Variants in LRRN3 observed in about 807,000 individuals in gnomAD.
LRRN3 encodes the protein leucine rich repeat neuronal 3.
Under a neutral mutation model 40.1 loss-of-function variants are expected in LRRN3, and 15 were observed. The ratio of observed to expected loss-of-function variants is 0.37; its 90% CI spans 0.25 to 0.58. The LOEUF is 0.58. Among genes scored for constraint, LRRN3 ranks in the 20% least tolerant of loss-of-function variants. The pLI is 0.72. For synonymous variants in LRRN3, 308 were observed against 297.2 expected, an observed-to-expected ratio of 1.04 and a Z score of -0.37; for missense variants, 746 against 837.7, an observed-to-expected ratio of 0.89 and a Z score of 1.35.
At chr7:111,095,579 T>C (rs191513159) in intron 1 of LRRN3, among the ~76,000 whole-genome samples, 1 of 152,052 alleles carries the variant, frequency 6.6e-6, no homozygotes, top group African/African-American at 2.4e-5. Context: ...CATTTGAATA[T>C]AGTTTACCAT....
intron 2 of LRRN3, among the ~76,000 whole-genome samples, chr7:111,118,755 G>C (rs1481274567): frequency 6.6e-6 from 1 of 151,930 alleles, no homozygotes; most frequent in Non-Finnish European, 1.5e-5. Flanking sequence ...ACAGACTTAA[G>C]AAAAAGTCAA....
intron 2 of LRRN3, among the ~76,000 whole-genome samples, chr7:111,113,129 A>T (rs1340397608): frequency 6.6e-6 from 1 of 152,162 alleles, no homozygotes; most frequent in Non-Finnish European, 1.5e-5. Context: ...ATATAATTTT[A>T]AGATTTCTGT....
chr7:111,100,440 A>G (rs1797851834), intron 2 of LRRN3, among the ~76,000 whole-genome samples: 1 of 148,008 alleles, frequency 6.8e-6, no homozygotes, highest in Non-Finnish European at 1.5e-5. Flanking sequence ...ATGTAATGAA[A>G]ATATATATTA....
At chr7:111,101,571 G>A (rs1332449276) in intron 2 of LRRN3, among the ~76,000 whole-genome samples, 2 of 151,142 alleles carry the variant, frequency 1.3e-5, no homozygotes, top group East Asian at 3.9e-4. Flanking sequence ...TGAGACAATC[G>A]TTCGAATTAA....
intron 1 of LRRN3, among the ~76,000 whole-genome samples, chr7:111,095,714 A>C (rs1171926600): frequency 6.6e-6 from 1 of 152,064 alleles, no homozygotes; most frequent in East Asian, 1.9e-4. Context: ...AAGGTTTTCC[A>C]AGAATTCTGA....
In LRRN3 at chr7:111,123,381, C is replaced by A. The variant is rs1333071810; in HGVS notation, c.609C>A (p.Ile203=). The A allele has an allele frequency of 1.2e-6, 2 of 1,613,802 alleles. No individual in the cohort carries two copies. The highest frequency in any genetic ancestry group is 2.2e-5 in the East Asian group (1 of 44,844). The change falls in exon 3 of 3, where the codon ATC becomes ATA. Residue 203 remains isoleucine (I), a synonymous_variant. Transcript: ENST00000308478. This position sits in a 1 kb window ranked among gnomAD's most constrained non-coding sequence, Gnocchi z 6.4. ...LMIGENPIIR[I]KDMNFKPLIN... ...TTGGGGAAAATCCAATTATCAGAAT[C>A]AAAGACATGAACTTTAAGCCTCTTA... is the stretch of plus-strand genomic sequence containing the variant.
At chr7:111,113,661 C>T (rs1293374019) in intron 2 of LRRN3, among the ~76,000 whole-genome samples, 3 of 151,502 alleles carry the variant, frequency 2.0e-5, no homozygotes, top group Non-Finnish European at 4.4e-5. Context: ...TGGATAATTA[C>T]CCCAAATGTT....
chr7:111,111,465 C>T (rs1483058423), intron 2 of LRRN3, among the ~76,000 whole-genome samples: 2 of 150,826 alleles, frequency 1.3e-5, no homozygotes, highest in Non-Finnish European at 3.0e-5. Context: ...TTTTAGCCCT[C>T]TCTATTCAAC....
intron 2 of LRRN3, among the ~76,000 whole-genome samples, chr7:111,111,921 T>TTATATATA (rs140449960): frequency 1.4e-5 from 2 of 144,104 alleles, no homozygotes; most frequent in African/African-American, 5.2e-5. Context: ...TATATTTTAT[T>TTATATATA]TATATATATA....
intron 2 of LRRN3, among the ~76,000 whole-genome samples, chr7:111,119,517 T>A (rs1379104118): frequency 6.6e-6 from 1 of 152,248 alleles, no homozygotes; most frequent in Admixed American, 6.5e-5. Context: ...TCTCTTAAAG[T>A]CTAACATTCC....
rs1801141313 is a variant in LRRN3, at chr7:111,124,987, A to C, written c.*88A>C. 2 of 954,184 alleles carry C rather than the reference A, an allele frequency of 2.1e-6. No individual in the cohort carries two copies. The highest frequency in any genetic ancestry group is 2.7e-5 in the East Asian group (1 of 37,340). 59.1% of individuals were successfully genotyped at this position (954,184 alleles called of 1,614,324 possible). ...GTGCTAAAAACAAAACAAAACAAACAAACAAACAAAAAAGTAAAAAAAGAT... is the reference window on the plus strand; with the variant it reads ...GTGCTAAAAACAAAACAAAACAAACCAACAAACAAAAAAGTAAAAAAAGAT... On this transcript the variant is annotated 3_prime_UTR_variant, in exon 3 of 3. Transcript: ENST00000308478.
At position 111,123,890 on chromosome 7, in the gene LRRN3, A is replaced by G; in HGVS notation, c.1118A>G (p.Asp373Gly). Residue 373 changes from aspartate (D) to glycine (G), a missense_variant, in exon 3 of 3, where the codon GAC (aspartate) becomes GGC (glycine). Physicochemically the swap from Asp to Gly is moderately conservative, Grantham distance 94. Transcript: ENST00000308478. The surrounding 1 kb of genome is among the most constrained non-coding windows in gnomAD (Gnocchi z 6.4). The stretch of plus-strand genomic sequence containing the variant: ...ATACACAGTAACCCCATCAGGTGTG[A>G]CTGTGTCATCCGTTGGATGAACATG... ...ISIHSNPIRC[D>G]CVIRWMNMNK... 6.2e-7 allele frequency: 1 copy of G among 1,614,034 alleles called. No homozygotes were observed. Among genetic ancestry groups the G allele is most frequent in the Non-Finnish European group, 8.5e-7 (1 of 1,179,998 alleles).
intron 2 of LRRN3, among the ~76,000 whole-genome samples, chr7:111,122,170 T>C (rs1245968470): frequency 3.3e-5 from 5 of 151,920 alleles, no homozygotes; most frequent in Non-Finnish European, 5.9e-5. Flanking sequence ...CATGTATACA[T>C]ATGTAACAAA....
chr7:111,109,800 G>T (rs970971393), intron 2 of LRRN3, among the ~76,000 whole-genome samples: 6 of 152,118 alleles, frequency 3.9e-5, no homozygotes, highest in Non-Finnish European at 7.4e-5. Flanking sequence ...TGTTGCTATT[G>T]TTATATGATG....
Position 111,123,713 on chromosome 7 carries a change from T to C in LRRN3, c.941T>C (p.Ile314Thr), listed in dbSNP as rs1468664556. 1 of 1,613,796 alleles carries C rather than the reference T, an allele frequency of 6.2e-7. No homozygotes were observed. The highest frequency in any genetic ancestry group is 8.5e-7 in the Non-Finnish European group (1 of 1,179,912). The part of the protein sequence containing the change: ...AVDNLPDLRK[I>T]EATNNPRLSY... ...GATAACCTGCCAGATTTAAGAAAAATAGAAGCTACTAACAACCCTAGATTG... is the reference window on the plus strand; with the variant it reads ...GATAACCTGCCAGATTTAAGAAAAACAGAAGCTACTAACAACCCTAGATTG... Residue 314 changes from isoleucine (I) to threonine (T), a missense_variant, in exon 3 of 3, where the codon ATA (isoleucine) becomes ACA (threonine). Physicochemically the swap from Ile to Thr is moderately conservative, Grantham distance 89. Transcript: ENST00000308478. This position sits in a 1 kb window ranked among gnomAD's most constrained non-coding sequence, Gnocchi z 6.4.
At chr7:111,104,925 A>T (rs1563247035) in intron 2 of LRRN3, among the ~76,000 whole-genome samples, 2 of 151,746 alleles carry the variant, frequency 1.3e-5, no homozygotes, top group African/African-American at 4.8e-5. Flanking sequence ...CAAAAGAGGA[A>T]GAAAAACAAA....
chr7:111,092,401 T>C (rs1796967025), intron 1 of LRRN3, among the ~76,000 whole-genome samples: 1 of 152,236 alleles, frequency 6.6e-6, no homozygotes, highest in Non-Finnish European at 1.5e-5. Context: ...AATTCGGCTC[T>C]AATTTATTCA....
intron 2 of LRRN3, among the ~76,000 whole-genome samples, chr7:111,107,921 G>A (rs910111815): frequency 6.6e-6 from 1 of 152,096 alleles, no homozygotes; most frequent in South Asian, 2.1e-4. Context: ...CATAGATTTA[G>A]AGTTCTGCTG....
Position 111,122,420 on chromosome 7 carries a change from T to G in LRRN3, c.-353T>G. The G allele has an allele frequency of 5.4e-6, 1 of 184,068 alleles. No individual in the cohort carries two copies. The highest frequency in any genetic ancestry group is 5.9e-5 in the Admixed American group (1 of 17,008). The allele number at this position is 184,068 out of a possible 1,614,324, so 11.4% of individuals were successfully genotyped here. A position where few individuals can be genotyped will look rare whatever the true frequency, so the allele number is the denominator to read the frequency against. On this transcript the variant is annotated 5_prime_UTR_variant, in exon 3 of 3. An upstream start codon of the reference 5' UTR is lost. Transcript: ENST00000308478. ...TTTCATTTTATTACATTTAGCATCA[T>G]GCTGCTATTCCTGCAAATACTGAAG...
Sources: gnomAD v4.1 joint callset for allele counts (sites outside exome capture counted in the v4.1 genomes callset) on GRCh38, gnomAD v4.1.1 for gene constraint, Gnocchi (gnomAD v3.1) non-coding constraint, MANE v1.5 for transcripts, NCBI Gene and HGNC (gene_info 2026-07-23, HGNC 2026-07-21) for gene names.